The following C4orf50 variants were observed in gnomAD, a reference collection of about 807,000 sequenced individuals.
The protein encoded by C4orf50 is uncharacterized protein C4orf50.
C4orf50 carries 80 observed loss-of-function variants against 77.2 expected under a neutral mutation model. That is an observed-to-expected ratio of 1.04 (90% CI 0.87 to 1.25). The LOEUF is 1.25. Ranked by LOEUF, C4orf50 falls within the 50% of genes most tolerant of loss-of-function variation. C4orf50 has a pLI of 0.00. For missense variants in C4orf50, 1,257 were observed against 1,152.9 expected, an observed-to-expected ratio of 1.09 and a Z score of -1.31; for synonymous variants, 532 against 465.3, an observed-to-expected ratio of 1.14 and a Z score of -1.84.
chr4:5,968,848 C>T (rs1210873575), intron 31 of C4orf50, among the ~76,000 whole-genome samples: 2 of 152,160 alleles, frequency 1.3e-5, no homozygotes, highest in Admixed American at 1.3e-4. Context: ...ACAGAGTAGC[C>T]TCAAGCGCAC....
Position 5,945,425 on chromosome 4 carries a change from G to A in C4orf50, c.*2474+11476C>T, listed in dbSNP as rs184553330. Reference sequence around the variant, plus strand: ...GTCTTATCCTGCATTTAAGTAGCCCGGCCAGAGTGCCAGCACCCGGGAGAG... The same window carrying A: ...GTCTTATCCTGCATTTAAGTAGCCCAGCCAGAGTGCCAGCACCCGGGAGAG... On this transcript the variant is annotated intron_variant, in intron 7 of 7. Coordinates refer to the C4orf50 transcript ENST00000324058. Among the ~76,000 whole-genome samples the A allele has an allele frequency of 1.8e-4, 28 of 152,254 alleles. No homozygotes were observed. In the East Asian group the frequency reaches 3.9e-3, roughly 21 times the overall value.
chr4:5,919,318 A>G lies in C4orf50; in HGVS notation c.*2475-21130T>C, dbSNP rs1717166837. Reference sequence around the variant, plus strand: ...GGCTACCACAGCTCAGGAAGGTTCTAGAAGTCTGGATGAACTGGCGTGGAG... The same window carrying G: ...GGCTACCACAGCTCAGGAAGGTTCTGGAAGTCTGGATGAACTGGCGTGGAG... On this transcript the variant is annotated intron_variant, in intron 7 of 7. Transcript: ENST00000324058. This position sits in a 1 kb window ranked among gnomAD's most constrained non-coding sequence, Gnocchi z 6.5. Among the ~76,000 whole-genome samples, 1 of 152,072 alleles carries G rather than the reference A, an allele frequency of 6.6e-6. No homozygotes were observed. The highest frequency in any genetic ancestry group is 1.5e-5 in the Non-Finnish European group (1 of 67,988).
intron 29 of C4orf50, among the ~76,000 whole-genome samples, chr4:5,978,694 G>C (rs1473223093): frequency 1.3e-5 from 2 of 152,152 alleles, no homozygotes; most frequent in Non-Finnish European, 1.5e-5. Flanking sequence ...GTGATATATA[G>C]CTAAGAATCA....
intron 28 of C4orf50, among the ~76,000 whole-genome samples, chr4:5,980,691 T>C (rs1304822434): frequency 6.6e-6 from 1 of 152,138 alleles, no homozygotes; most frequent in East Asian, 1.9e-4. Flanking sequence ...TTCAAAAATA[T>C]GTGCAGTGGG....
At chr4:5,996,249 G>A (rs961458429) in intron 25 of C4orf50, among the ~76,000 whole-genome samples, 2 of 152,154 alleles carry the variant, frequency 1.3e-5, no homozygotes, top group Admixed American at 6.5e-5. Context: ...CTTCTTGGGA[G>A]GGGCCTGGAT....
chr4:5,998,600 T>C (rs923339594), intron 25 of C4orf50, among the ~76,000 whole-genome samples: 1 of 152,218 alleles, frequency 6.6e-6, no homozygotes, highest in African/African-American at 2.4e-5. Context: ...ATCTCAGCTC[T>C]GGGATGACAG....
chr4:5,950,411 G>A (rs1225217603), intron 7 of C4orf50, among the ~76,000 whole-genome samples: 5 of 152,204 alleles, frequency 3.3e-5, no homozygotes, highest in African/African-American at 9.6e-5. Flanking sequence ...GAAATAAAAC[G>A]AGATTGTTCT....
At position 5,970,886 on chromosome 4, in the gene C4orf50, C is replaced by T. The variant is rs1048310327; in HGVS notation, c.4104+2773G>A. ...TGCTGGGAGGGTGGAGTAAGCAGATCCATGGAGAGCGTGCGAGGGGGAGGG... is the reference window on the plus strand; with the variant it reads ...TGCTGGGAGGGTGGAGTAAGCAGATTCATGGAGAGCGTGCGAGGGGGAGGG... On this transcript the variant is annotated intron_variant, in intron 31 of 33. Transcript: ENST00000531445. The surrounding 1 kb of genome is among the most constrained non-coding windows in gnomAD (Gnocchi z 4.3). 6.6e-6 allele frequency among the ~76,000 whole-genome samples: 1 copy of T among 152,156 alleles called. No homozygotes were observed.
At chr4:5,945,636 C>T (rs949330987) in intron 7 of C4orf50, among the ~76,000 whole-genome samples, 1 of 152,182 alleles carries the variant, frequency 6.6e-6, no homozygotes, top group Non-Finnish European at 1.5e-5. Flanking sequence ...AGGGTGAGGC[C>T]TGCCCAAGGA....
intron 7 of C4orf50, among the ~76,000 whole-genome samples, chr4:5,945,927 C>T (rs987468368): frequency 1.3e-5 from 2 of 152,268 alleles, no homozygotes; most frequent in Middle Eastern, 6.8e-3. Context: ...CTGGCTCCCT[C>T]GGCCTCTGAC....
chr4:6,003,497 TTGGTGATGA>T (rs1185940816), intron 25 of C4orf50, among the ~76,000 whole-genome samples: 1 of 74,532 alleles, frequency 1.3e-5, no homozygotes, highest in Non-Finnish European at 3.0e-5. Context: ...GATGGTGATG[TTGGTGATGA>T]TGGTGATGGT....
At chr4:5,938,398 C>G (rs1206404283) in intron 7 of C4orf50, among the ~76,000 whole-genome samples, 2 of 152,162 alleles carry the variant, frequency 1.3e-5, no homozygotes, top group Non-Finnish European at 2.9e-5. Flanking sequence ...CTTCAATAAC[C>G]TCCTCCAACA....
rs1719871549 is a variant in C4orf50 at position 5,970,902 on chromosome 4, A to AG, written c.4104+2756dup. 6.6e-6 allele frequency among the ~76,000 whole-genome samples: 1 copy of AG among 152,108 alleles called. No individual in the cohort carries two copies. Among genetic ancestry groups the AG allele is most frequent in the Non-Finnish European group, 1.5e-5 (1 of 68,002 alleles). ...TAAGCAGATCCATGGAGAGCGTGCGAGGGGGAGGGCAGCATGAGTCTTGGC... is the reference window on the plus strand; with the variant it reads ...TAAGCAGATCCATGGAGAGCGTGCGAGGGGGGAGGGCAGCATGAGTCTTGGC... On this transcript the variant is annotated intron_variant, in intron 31 of 33. Transcript: ENST00000531445. The surrounding 1 kb of genome is among the most constrained non-coding windows in gnomAD (Gnocchi z 4.3).
intron 7 of C4orf50, among the ~76,000 whole-genome samples, chr4:5,929,243 G>A (rs1577899034): frequency 6.6e-6 from 1 of 152,168 alleles, no homozygotes; most frequent in Non-Finnish European, 1.5e-5. Flanking sequence ...CCCCCAGAGC[G>A]GCTAGTACCA....
chr4:6,004,302 T>G (rs1722104676), intron 25 of C4orf50, among the ~76,000 whole-genome samples: 1 of 67,968 alleles, frequency 1.5e-5, no homozygotes, highest in Non-Finnish European at 2.8e-5. Context: ...ATGATGGTGA[T>G]GGTGGTGATG....
chr4:5,964,889 C>G (rs576919717), intron 33 of C4orf50, 135 bp downstream of exon 11: 102 of 680,850 alleles, frequency 1.5e-4, no homozygotes, highest in Middle Eastern at 1.3e-3. Flanking sequence ...GTTCGGGAGT[C>G]GATTGTGTTC....
intron 7 of C4orf50, among the ~76,000 whole-genome samples, chr4:5,930,183 T>G (rs923493529): frequency 1.3e-5 from 2 of 152,182 alleles, no homozygotes; most frequent in Admixed American, 6.5e-5. Flanking sequence ...TGCCTTCCCA[T>G]TGACGTCTCT....
exon 28 of C4orf50, chr4:5,988,559 T>C (rs1721016756): frequency 2.0e-6 from 3 of 1,536,970 alleles, no homozygotes; most frequent in Non-Finnish European, 1.7e-6. Flanking sequence ...GAAGGTCCTG[T>C]CTGCCCTGCA....
At chr4:6,004,209 ATGG>A (rs1722071818) in intron 25 of C4orf50, among the ~76,000 whole-genome samples, 4 of 61,418 alleles carry the variant, frequency 6.5e-5, no homozygotes, top group Non-Finnish European at 7.1e-5. Flanking sequence ...GATGGTGATG[ATGG>A]TGATGGTGAT....
Sources: gnomAD v4.1 joint callset for allele counts (sites outside exome capture counted in the v4.1 genomes callset) on GRCh38, gnomAD v4.1.1 for gene constraint, Gnocchi (gnomAD v3.1) non-coding constraint, MANE v1.5 for transcripts, NCBI Gene and HGNC (gene_info 2026-07-23, HGNC 2026-07-21) for gene names.